The following ZBTB7C variants were observed in gnomAD, a reference collection of about 807,000 sequenced individuals.
ZBTB7C encodes zinc finger and BTB domain-containing protein 7C.
ZBTB7C carries 8 observed loss-of-function variants against 25.7 expected under a neutral mutation model. That is an observed-to-expected ratio of 0.31 (90% CI 0.18 to 0.56). The LOEUF (loss-of-function observed/expected upper bound fraction) is 0.56, where lower values mean the gene tolerates loss of function less well. Ranked by LOEUF, ZBTB7C falls within the 20% of genes least tolerant of loss-of-function variation. The pLI is 0.91. For synonymous variants in ZBTB7C, 394 were observed against 369.0 expected, an observed-to-expected ratio of 1.07 and a Z score of -0.78; for missense variants, 824 against 855.2, an observed-to-expected ratio of 0.96 and a Z score of 0.46.
At chr18:48,285,858 C>G (rs892602032) in intron 2 of ZBTB7C, among the ~76,000 whole-genome samples, 1 of 151,882 alleles carries the variant, frequency 6.6e-6, no homozygotes, top group African/African-American at 2.4e-5. Context: ...TTTGTTGCTC[C>G]TGGTCCTTGG....
intron 4 of ZBTB7C, among the ~76,000 whole-genome samples, chr18:48,039,117 G>C (rs967536537): frequency 1.6e-4 from 25 of 152,342 alleles, no homozygotes; most frequent in African/African-American, 4.8e-4. Context: ...TATGAAAGAT[G>C]AAAGGTTTAT....
At chr18:48,288,251 T>A (rs903913766) in intron 2 of ZBTB7C, among the ~76,000 whole-genome samples, 2 of 152,242 alleles carry the variant, frequency 1.3e-5, no homozygotes, top group Admixed American at 1.3e-4. Context: ...ATTCATCTGG[T>A]GAAATCCTAG....
At chr18:48,106,533 T>C (rs1251122205) in intron 3 of ZBTB7C, among the ~76,000 whole-genome samples, 1 of 152,084 alleles carries the variant, frequency 6.6e-6, no homozygotes, top group Admixed American at 6.5e-5. Flanking sequence ...CTATTCCCCA[T>C]GTTATGGGTG....
chr18:48,297,230 T>G (rs1375447817), intron 2 of ZBTB7C, among the ~76,000 whole-genome samples: 2 of 152,230 alleles, frequency 1.3e-5, no homozygotes, highest in Non-Finnish European at 2.9e-5. Context: ...TTTACATTGT[T>G]GTTTAATTAC....
intron 3 of ZBTB7C, among the ~76,000 whole-genome samples, chr18:48,093,016 C>T (rs552344713): frequency 4.6e-5 from 7 of 152,258 alleles, no homozygotes; most frequent in East Asian, 1.9e-4. Flanking sequence ...TGCAAGTGCC[C>T]GGGGGCCAGT....
intron 3 of ZBTB7C, among the ~76,000 whole-genome samples, chr18:48,092,981 G>A (rs543650925): frequency 1.4e-4 from 22 of 152,336 alleles, no homozygotes; most frequent in African/African-American, 5.1e-4. Context: ...AGGCATACAG[G>A]GGTTTTGCAT....
At chr18:48,231,565 G>A (rs1369912256) in intron 2 of ZBTB7C, among the ~76,000 whole-genome samples, 1 of 152,180 alleles carries the variant, frequency 6.6e-6, no homozygotes, top group Non-Finnish European at 1.5e-5. Context: ...CTGCTCTGTT[G>A]CTTAACAGAG....
rs1037824344 is a variant in ZBTB7C, at chr18:48,237,052, G to A, written c.-78-51057C>T. 3.3e-5 allele frequency among the ~76,000 whole-genome samples: 5 copies of A among 152,218 alleles called. No individual in the cohort carries two copies. The South Asian group carries it at 8.3e-4, about 25-fold the overall frequency. ...TGTTGCTGGAGCTAGGACTGAGGAC[G>A]TGGAAAAACCACAGTCATTGCTGGA... On this transcript the variant is annotated intron_variant, in intron 2 of 4. Coordinates refer to ENST00000590800, the MANE Select transcript of ZBTB7C (RefSeq NM_001318841.2).
intron 3 of ZBTB7C, among the ~76,000 whole-genome samples, chr18:48,121,131 C>T (rs891196434): frequency 6.6e-6 from 1 of 152,214 alleles, no homozygotes; most frequent in Non-Finnish European, 1.5e-5. Context: ...GCTTCTACTC[C>T]AGCTGAAAGA....
chr18:48,170,838 C>A (rs1442771656), intron 3 of ZBTB7C, among the ~76,000 whole-genome samples: 1 of 152,126 alleles, frequency 6.6e-6, no homozygotes, highest in Non-Finnish European at 1.5e-5. Context: ...CGAGAACCCC[C>A]CGCCCCTGTA....
rs201273460 is a variant in ZBTB7C, at chr18:48,141,143, A to ACC, written c.-17+44789_-17+44790dup. 8.5e-3 allele frequency among the ~76,000 whole-genome samples: 815 copies of ACC among 95,948 alleles called. 14 individuals carry two copies. The highest frequency in any genetic ancestry group is 0.018 in the East Asian group (55 of 2,990). 62.9% of individuals were successfully genotyped at this position (95,948 alleles called of 152,430 possible). A position where few individuals can be genotyped will look rare whatever the true frequency, so the allele number is the denominator to read the frequency against. On this transcript the variant is annotated intron_variant, in intron 3 of 4. Coordinates refer to ENST00000590800, the MANE Select transcript of ZBTB7C (RefSeq NM_001318841.2). ...AATCACAGATAGGCATCCCCCCCGC[A>ACC]CCACCCCCCCCACTGTTCCTTCTCC...
chr18:48,137,467 A>G, intron 3 of ZBTB7C: 1 of 262,262 alleles, frequency 3.8e-6, no homozygotes, highest in South Asian at 1.5e-4. Flanking sequence ...CACTTATCTC[A>G]AAGCAAGGGA....
At chr18:48,300,988 C>A (rs945823777) in intron 2 of ZBTB7C, among the ~76,000 whole-genome samples, 3 of 152,230 alleles carry the variant, frequency 2.0e-5, no homozygotes, top group African/African-American at 7.2e-5. Context: ...ATTTGACCAT[C>A]CACTGAAAAT....
intron 4 of ZBTB7C, among the ~76,000 whole-genome samples, chr18:48,036,671 T>A (rs1161035883): frequency 1.3e-5 from 2 of 152,022 alleles, no homozygotes. Flanking sequence ...AAGAGTGACA[T>A]GACAGGGCCC....
intron 3 of ZBTB7C, among the ~76,000 whole-genome samples, chr18:48,173,704 C>T (rs553326377): frequency 8.5e-5 from 13 of 152,372 alleles, no homozygotes; most frequent in Non-Finnish European, 1.5e-4. Flanking sequence ...TTAAATTTTA[C>T]ACTGAGTGCC....
intron 1 of ZBTB7C, among the ~76,000 whole-genome samples, chr18:48,407,561 C>G (rs1568430582): frequency 6.6e-6 from 1 of 152,164 alleles, no homozygotes; most frequent in Admixed American, 6.5e-5. Context: ...CCAGGGAAGT[C>G]TCTCCACCCT....
intron 3 of ZBTB7C, among the ~76,000 whole-genome samples, chr18:48,164,903 G>A (rs937567996): frequency 1.2e-4 from 19 of 152,104 alleles, no homozygotes; most frequent in Non-Finnish European, 4.4e-5. Context: ...TGGGATTGTT[G>A]TTGTCCTTAT....
intron 2 of ZBTB7C, among the ~76,000 whole-genome samples, chr18:48,235,997 T>C (rs1456853938): frequency 2.0e-5 from 3 of 152,256 alleles, no homozygotes; most frequent in Non-Finnish European, 4.4e-5. Flanking sequence ...TCAGCCATTT[T>C]CTCTTTAAAG....
At chr18:48,132,868 T>TA (rs1455178551) in intron 3 of ZBTB7C, among the ~76,000 whole-genome samples, 1 of 152,222 alleles carries the variant, frequency 6.6e-6, no homozygotes, top group African/African-American at 2.4e-5. Flanking sequence ...CAGGTATGTG[T>TA]ACAACGCATA....
Sources: allele counts gnomAD v4.1 joint callset (sites outside exome capture counted in the v4.1 genomes callset), GRCh38; gene constraint gnomAD v4.1.1; transcripts MANE v1.5; gene names NCBI Gene and HGNC (gene_info 2026-07-23, HGNC 2026-07-21).